ACTR3: variants seen among roughly 807,000 people sequenced by gnomAD.
ACTR3 encodes the protein actin-related protein 3.
Under a neutral mutation model 56.8 loss-of-function variants are expected in ACTR3, and 12 were observed. That is an observed-to-expected ratio of 0.21 (90% CI 0.14 to 0.34). The LOEUF is 0.34. Ranked by LOEUF, ACTR3 falls within the 10% of genes least tolerant of loss-of-function variation. The pLI is 1.00. For missense variants in ACTR3, 282 were observed against 512.5 expected (o/e 0.55, Z 4.34); for synonymous variants, 162 against 167.4 (o/e 0.97, Z 0.25).
intron 1 of ACTR3, chr2:113,890,571 C>A: frequency 8.8e-6 from 12 of 1,367,882 alleles, no homozygotes; most frequent in Non-Finnish European, 1.1e-5. Context: ...CGGCTTTCTC[C>A]GCGCGACCCC....
At chr2:113,904,726 G>T (rs1395230096) in intron 1 of ACTR3, 1 of 152,080 alleles carries the variant, frequency 6.6e-6, no homozygotes, top group Non-Finnish European at 1.5e-5. Flanking sequence ...TGTTGTTGTT[G>T]TTATACAACC....
Position 113,940,385 on chromosome 2 carries a change from A to C in ACTR3, c.684+283A>C, listed in dbSNP as rs568419931. ...AATTTTTGTGATTATTCTCTTTATTAAAAATAAATAATTATTTCACTATAA... is the reference window on the plus strand; with the variant it reads ...AATTTTTGTGATTATTCTCTTTATTCAAAATAAATAATTATTTCACTATAA... On this transcript the variant is annotated intron_variant, in intron 7 of 11. Transcript: ENST00000263238. 2.1e-3 allele frequency among the ~76,000 whole-genome samples: 322 copies of C among 151,690 alleles called. 2 individuals are homozygous for C. Among genetic ancestry groups the C allele is most frequent in the African/African-American group, 7.5e-3 (307 of 41,008 alleles).
At chr2:113,920,518 C>G (rs1679487952) in intron 3 of ACTR3, among the ~76,000 whole-genome samples, 1 of 152,114 alleles carries the variant, frequency 6.6e-6, no homozygotes, top group South Asian at 2.1e-4. Flanking sequence ...ATTCTCTGTT[C>G]TAACTATCTG....
intron 3 of ACTR3, among the ~76,000 whole-genome samples, chr2:113,923,194 TAGTG>T (rs1216658307): frequency 1.3e-5 from 2 of 152,258 alleles, no homozygotes; most frequent in Non-Finnish European, 2.9e-5. Context: ...CGACACTTCT[TAGTG>T]AGTCTCAAGA....
At position 113,958,224 on chromosome 2, in the gene ACTR3, T is replaced by A. The variant is rs969763742; in HGVS notation, c.*769T>A. On this transcript the variant is annotated 3_prime_UTR_variant, in exon 12 of 12. Coordinates refer to ENST00000263238, the MANE Select transcript of ACTR3 (RefSeq NM_005721.5). ...TATCAAAATTGGCATATTTAAAGCC[T>A]AACATTCTAATAAAGGCACAAATTT... The A allele has an allele frequency of 3.9e-5, 6 of 152,632 alleles. No homozygotes were observed. The highest frequency in any genetic ancestry group is 7.2e-5 in the African/African-American group (3 of 41,474). The allele number at this position is 152,632 out of a possible 1,614,324, so 9.5% of individuals were successfully genotyped here.
intron 1 of ACTR3, among the ~76,000 whole-genome samples, chr2:113,896,004 A>C (rs1463091162): frequency 6.6e-6 from 1 of 151,676 alleles, no homozygotes; most frequent in Non-Finnish European, 1.5e-5. Flanking sequence ...GACTACAGGC[A>C]CATGCCACCA....
At chr2:113,899,373 T>C (rs906744861) in intron 1 of ACTR3, among the ~76,000 whole-genome samples, 1 of 143,214 alleles carries the variant, frequency 7.0e-6, no homozygotes. Flanking sequence ...AAAACACATA[T>C]GAAAGTAAAA....
intron 1 of ACTR3, among the ~76,000 whole-genome samples, chr2:113,898,838 G>A (rs539873161): frequency 6.6e-6 from 1 of 152,192 alleles, no homozygotes; most frequent in East Asian, 1.9e-4. Flanking sequence ...TTTTGTTTTG[G>A]ATGTTATTAC....
intron 8 of ACTR3, among the ~76,000 whole-genome samples, chr2:113,942,719 CCCCCT>C (rs1212839956): frequency 6.6e-6 from 1 of 151,768 alleles, no homozygotes; most frequent in Non-Finnish European, 1.5e-5. Context: ...AGAAAGCTCC[CCCCCT>C]CCCTATTTGT....
At chr2:113,954,225 A>G (rs372016105) in intron 10 of ACTR3, 5 of 152,168 alleles carry the variant, frequency 3.3e-5, no homozygotes, top group Non-Finnish European at 7.4e-5. Context: ...TTTTTTCACT[A>G]TAAAGTTATT....
chr2:113,913,491 A>G (rs368936544), intron 2 of ACTR3, among the ~76,000 whole-genome samples: 9 of 152,160 alleles, frequency 5.9e-5, no homozygotes, highest in African/African-American at 2.2e-4. Flanking sequence ...CAGTACCCCA[A>G]TTTTTAGGGT....
intron 4 of ACTR3, 85 bp downstream of exon 4, chr2:113,927,540 T>C: frequency 5.7e-6 from 5 of 881,866 alleles, no homozygotes; most frequent in Non-Finnish European, 8.8e-6. Context: ...TGGTATACTT[T>C]GGTTATTAAA....
At chr2:113,931,507 C>T in intron 5 of ACTR3, 111 bp downstream of exon 5, 1 of 549,160 alleles carries the variant, frequency 1.8e-6, no homozygotes, top group Non-Finnish European at 3.1e-6. Context: ...AACATAATGT[C>T]AAAGCATGTT....
intron 4 of ACTR3, among the ~76,000 whole-genome samples, chr2:113,930,887 A>G (rs955542003): frequency 4.6e-5 from 7 of 152,200 alleles, no homozygotes; most frequent in African/African-American, 1.7e-4. Context: ...ACATTCATCT[A>G]AAAGCATTAC....
At chr2:113,948,848 C>T (rs762548073) in intron 8 of ACTR3, among the ~76,000 whole-genome samples, 2 of 145,722 alleles carry the variant, frequency 1.4e-5, no homozygotes, top group Non-Finnish European at 3.0e-5. Context: ...ACATCCCAAT[C>T]TGAACTTGCT....
chr2:113,955,592 A>G (rs62169932), intron 10 of ACTR3, 31 bp from the exon 11 acceptor site: 98,391 of 1,469,076 alleles, frequency 0.067, 3,659 homozygotes, highest in African/African-American at 0.1. Context: ...TGAATTTACT[A>G]TGAAGATGAT....
intron 1 of ACTR3, 117 bp downstream of exon 1, chr2:113,890,440 C>A: frequency 7.7e-7 from 1 of 1,303,628 alleles, no homozygotes; most frequent in Non-Finnish European, 1.0e-6. Flanking sequence ...GCTGTCAGTC[C>A]TAGACCCGCC....
At chr2:113,953,471 A>G (rs1424837471) in intron 10 of ACTR3, 1 of 152,152 alleles carries the variant, frequency 6.6e-6, no homozygotes, top group Non-Finnish European at 1.5e-5. Context: ...GGATTTTCAG[A>G]CTTGGGATGC....
intron 7 of ACTR3, among the ~76,000 whole-genome samples, chr2:113,940,819 G>GTT (rs1679911441): frequency 1.5e-5 from 2 of 134,640 alleles, no homozygotes; most frequent in Non-Finnish European, 1.6e-5. Flanking sequence ...TATTTTTATT[G>GTT]ATTTTTTTTT....
Sources: gnomAD v4.1 joint callset for allele counts (sites outside exome capture counted in the v4.1 genomes callset) on GRCh38, gnomAD v4.1.1 for gene constraint, MANE v1.5 for transcripts, NCBI Gene and HGNC (gene_info 2026-07-23, HGNC 2026-07-21) for gene names.